The following CSMD1 variants were observed in gnomAD, a reference collection of about 807,000 sequenced individuals.
CSMD1 encodes the protein CUB and sushi domain-containing protein 1.
In CSMD1, 213 loss-of-function variants were observed where a neutral mutation model predicts 417.5. That is an observed-to-expected ratio of 0.51 (90% CI 0.46 to 0.57). The LOEUF (loss-of-function observed/expected upper bound fraction) is 0.57, where lower values mean the gene tolerates loss of function less well. Ranked by LOEUF, CSMD1 falls within the 20% of genes least tolerant of loss-of-function variation. CSMD1 has a pLI of 0.00. For missense variants in CSMD1, 6,923 were observed against 4,529.7 expected (o/e 1.53, Z -15.17); for synonymous variants, 2,862 against 1,736.8 (o/e 1.65, Z -16.11).
chr8:3,829,475 C>T (rs1212642695), intron 5 of CSMD1, among the ~76,000 whole-genome samples: 1 of 152,128 alleles, frequency 6.6e-6, no homozygotes, highest in African/African-American at 2.4e-5. Context: ...CTTGCCGCCA[C>T]CCTGCTGTTC....
chr8:3,295,455 G>C (rs988505121), intron 25 of CSMD1, among the ~76,000 whole-genome samples: 5 of 152,112 alleles, frequency 3.3e-5, no homozygotes, highest in African/African-American at 9.7e-5. Flanking sequence ...TTATGGGAGA[G>C]ACCGTTATAC....
At position 4,645,146 on chromosome 8, in the gene CSMD1, G is replaced by A. The variant is rs577270474; in HGVS notation, c.86-7588C>T. Among the ~76,000 whole-genome samples the A allele has an allele frequency of 5.3e-5, 8 of 152,204 alleles. No homozygotes were observed. The South Asian group carries it at 1.5e-3, about 28-fold the overall frequency. Reference sequence around the variant, plus strand: ...TTAAATACTCCCTGCTTTATGGGAAGCTAATTTTTCTCCTACATGCTGTTC... The same window carrying A: ...TTAAATACTCCCTGCTTTATGGGAAACTAATTTTTCTCCTACATGCTGTTC... On this transcript the variant is annotated intron_variant, in intron 1 of 69. Coordinates refer to ENST00000635120, the MANE Select transcript of CSMD1 (RefSeq NM_033225.6).
intron 23 of CSMD1, among the ~76,000 whole-genome samples, chr8:3,315,626 A>G (rs553505018): frequency 2.7e-4 from 41 of 152,214 alleles, no homozygotes; most frequent in Admixed American, 9.2e-4. Flanking sequence ...GAGCAGCCCC[A>G]TGGTAAGATA....
intron 4 of CSMD1, among the ~76,000 whole-genome samples, chr8:4,030,837 G>C (rs1032121481): frequency 2.0e-5 from 3 of 152,114 alleles, no homozygotes; most frequent in Admixed American, 2.0e-4. Flanking sequence ...CCTCTTGAAT[G>C]CTTTGCTGCT....
intron 26 of CSMD1, among the ~76,000 whole-genome samples, chr8:3,283,925 A>G (rs1542104): frequency 0.72 from 109,398 of 152,230 alleles, 40,294 homozygotes; most frequent in Admixed American, 0.82. Flanking sequence ...TTGGTTATGC[A>G]TTTCTCTTAA....
chr8:3,528,892 T>A (rs1426921952), intron 10 of CSMD1, among the ~76,000 whole-genome samples: 1 of 152,212 alleles, frequency 6.6e-6, no homozygotes, highest in African/African-American at 2.4e-5. Context: ...AACTGTGCAT[T>A]TCATTTGCAT....
chr8:4,087,248 C>T (rs958958659), intron 3 of CSMD1, among the ~76,000 whole-genome samples: 2 of 152,178 alleles, frequency 1.3e-5, no homozygotes, highest in African/African-American at 4.8e-5. Flanking sequence ...CCACCATGGC[C>T]ATGGTTTCAC....
intron 69 of CSMD1, among the ~76,000 whole-genome samples, chr8:2,941,955 A>T (rs921073827): frequency 1.3e-5 from 2 of 152,214 alleles, no homozygotes; most frequent in Non-Finnish European, 2.9e-5. Flanking sequence ...AACATGAAAG[A>T]AAAAAACATA....
At chr8:4,825,786 AAAAAAAAAAG>A (rs1379787050) in intron 1 of CSMD1, among the ~76,000 whole-genome samples, 4 of 74,070 alleles carry the variant, frequency 5.4e-5, no homozygotes, top group African/African-American at 9.5e-5. Context: ...AATCAAATGC[AAAAAAAAAAG>A]AAAAAAAAAA....
intron 23 of CSMD1, among the ~76,000 whole-genome samples, chr8:3,324,072 C>A (rs747549011): frequency 7.4e-6 from 1 of 135,072 alleles, no homozygotes; most frequent in Non-Finnish European, 1.6e-5. Flanking sequence ...AGACACACAC[C>A]CAACCCCAGA....
intron 3 of CSMD1, among the ~76,000 whole-genome samples, chr8:4,397,704 C>G (rs1020199669): frequency 6.6e-6 from 1 of 151,632 alleles, no homozygotes; most frequent in Non-Finnish European, 1.5e-5. Flanking sequence ...AATAAGATTT[C>G]AAATTAACTA....
intron 1 of CSMD1, among the ~76,000 whole-genome samples, chr8:4,945,096 C>G (rs764859933): frequency 6.6e-6 from 1 of 152,130 alleles, no homozygotes; most frequent in Admixed American, 6.5e-5. Flanking sequence ...ACATAGGCTA[C>G]AACACAGATG....
At chr8:3,666,259 C>G (rs1245651744) in intron 7 of CSMD1, among the ~76,000 whole-genome samples, 2 of 147,574 alleles carry the variant, frequency 1.4e-5, no homozygotes, top group Non-Finnish European at 3.1e-5. Flanking sequence ...TTCTATTCCT[C>G]ACAGGTCTTA....
At chr8:3,798,570 T>C (rs543337376) in intron 5 of CSMD1, among the ~76,000 whole-genome samples, 12 of 152,198 alleles carry the variant, frequency 7.9e-5, no homozygotes, top group East Asian at 3.9e-4. Context: ...TGAGAGGTGA[T>C]TGCAATGAAA....
At chr8:3,658,876 C>G (rs561626165) in intron 7 of CSMD1, among the ~76,000 whole-genome samples, 1 of 152,128 alleles carries the variant, frequency 6.6e-6, no homozygotes, top group Non-Finnish European at 1.5e-5. Context: ...GGGGATGTTT[C>G]GAATGCCTTC....
chr8:2,991,339 T>A (rs17078982), intron 54 of CSMD1, among the ~76,000 whole-genome samples: 3,249 of 152,316 alleles, frequency 0.021, 115 homozygotes, highest in African/African-American at 0.072. Flanking sequence ...ACACACTAAA[T>A]ATACATCTAC....
At position 3,359,451 on chromosome 8, in the gene CSMD1, A is replaced by T. The variant is rs1809011897; in HGVS notation, c.3116-111T>A. 1.4e-5 allele frequency: 11 copies of T among 795,390 alleles called. No homozygotes were observed. The South Asian group carries it at 2.1e-4, about 15-fold the overall frequency. The allele number at this position is 795,390 out of a possible 1,614,324, so 49.3% of individuals were successfully genotyped here. A position where few individuals can be genotyped will look rare whatever the true frequency, so the allele number is the denominator to read the frequency against. On this transcript the variant is annotated intron_variant, in intron 20 of 69. Coordinates refer to ENST00000635120, the MANE Select transcript of CSMD1 (RefSeq NM_033225.6). Reference sequence around the variant, plus strand: ...TAAAAAAAAAAAAAAAAACCTACATATATATTTTCCCCAAACACTTATAAC... The same window carrying T: ...TAAAAAAAAAAAAAAAAACCTACATTTATATTTTCCCCAAACACTTATAAC...
chr8:4,628,755 C>T (rs1423383942), intron 2 of CSMD1, among the ~76,000 whole-genome samples: 1 of 152,078 alleles, frequency 6.6e-6, no homozygotes, highest in Non-Finnish European at 1.5e-5. Context: ...GAGTTAGATA[C>T]CCTTGGAGGA....
At chr8:3,497,757 T>G (rs1406102227) in intron 10 of CSMD1, among the ~76,000 whole-genome samples, 1 of 152,192 alleles carries the variant, frequency 6.6e-6, no homozygotes, top group Non-Finnish European at 1.5e-5. Flanking sequence ...TGTCACTTGG[T>G]TATTTCTGTT....
Sources: allele counts gnomAD v4.1 joint callset (sites outside exome capture counted in the v4.1 genomes callset), GRCh38; gene constraint gnomAD v4.1.1; transcripts MANE v1.5; gene names NCBI Gene and HGNC (gene_info 2026-07-23, HGNC 2026-07-21).